Variants in MERTK observed in about 807,000 individuals in gnomAD.
The protein encoded by MERTK is MER proto-oncogene, tyrosine kinase.
MERTK carries 69 observed loss-of-function variants against 99.3 expected under a neutral mutation model. That is an observed-to-expected ratio of 0.70 (90% CI 0.57 to 0.85). The LOEUF (loss-of-function observed/expected upper bound fraction) is 0.85, where lower values mean the gene tolerates loss of function less well. MERTK is among the 40% of genes least tolerant of loss of function. MERTK has a pLI of 0.00. For synonymous variants in MERTK, 426 were observed against 467.6 expected (o/e 0.91, Z 1.15); for missense variants, 1,125 against 1,249.4 (o/e 0.90, Z 1.50).
At chr2:112,001,065 G>A (rs1037235419) in intron 10 of MERTK, 136 bp from the exon 11 acceptor site, 16 of 699,942 alleles carry the variant, frequency 2.3e-5, no homozygotes, top group Admixed American at 9.8e-5. Flanking sequence ...AAAGAAACAC[G>A]TTTCTTCTAG....
At chr2:111,959,993 T>C (rs1003091476) in intron 4 of MERTK, among the ~76,000 whole-genome samples, 3 of 152,190 alleles carry the variant, frequency 2.0e-5, no homozygotes, top group African/African-American at 7.2e-5. Context: ...GAAATTCTTT[T>C]GGAAAATTCC....
chr2:111,898,940 A>C (rs901890420), intron 1 of MERTK, 144 bp downstream of exon 1: 1 of 898,506 alleles, frequency 1.1e-6, no homozygotes, highest in Admixed American at 3.0e-5. Context: ...GCGGTGCCAG[A>C]GGAGGGGGCG....
At chr2:111,931,632 G>T (rs1407755915) in intron 2 of MERTK, among the ~76,000 whole-genome samples, 1 of 151,184 alleles carries the variant, frequency 6.6e-6, no homozygotes, top group African/African-American at 2.4e-5. Context: ...GTTGCAGTAA[G>T]CCAAGATTGC....
At chr2:111,987,130 C>T (rs1172182201) in intron 8 of MERTK, among the ~76,000 whole-genome samples, 4 of 152,192 alleles carry the variant, frequency 2.6e-5, no homozygotes, top group Non-Finnish European at 5.9e-5. Flanking sequence ...CAGGACAGAG[C>T]AGTTGGATAT....
intron 6 of MERTK, among the ~76,000 whole-genome samples, chr2:111,969,645 A>G (rs1676042819): frequency 6.7e-6 from 1 of 150,242 alleles, no homozygotes; most frequent in Admixed American, 6.6e-5. Context: ...AGCCTGTATT[A>G]TCCGTAAAAT....
At chr2:111,965,385 C>T in intron 5 of MERTK, 108 bp downstream of exon 5, 1 of 1,056,742 alleles carries the variant, frequency 9.5e-7, no homozygotes. Flanking sequence ...CTCACTGTCT[C>T]AAGGTTCTTT....
At chr2:111,965,476 T>C (rs954541195) in intron 5 of MERTK, among the ~76,000 whole-genome samples, 199 bp downstream of exon 5, 1 of 152,192 alleles carries the variant, frequency 6.6e-6, no homozygotes, top group Non-Finnish European at 1.5e-5. Context: ...AACCTACCTA[T>C]TGTTGAGGCT....
chr2:111,899,811 C>T (rs1684011028), intron 1 of MERTK, among the ~76,000 whole-genome samples: 1 of 152,150 alleles, frequency 6.6e-6, no homozygotes, highest in South Asian at 2.1e-4. Flanking sequence ...CCACCGCGCC[C>T]GGCTTGTTCC....
chr2:111,994,358 A>C lies in MERTK; in HGVS notation c.1404A>C (p.Gly468=). The C allele has an allele frequency of 3.1e-6, 5 of 1,614,128 alleles. No individual in the cohort carries two copies. The South Asian group carries it at 3.3e-5, about 11-fold the overall frequency. ...GGATTGCAGCCGTCACCAGAGGGGG[A>C]GTTGGGCCCTTCAGTGATCCAGTGA... ...TVRIAAVTRG[G]VGPFSDPVKI... The change falls in exon 9 of 19, where the codon GGA becomes GGC. Residue 468 remains glycine (G), a synonymous_variant. Coordinates refer to ENST00000295408, the MANE Select transcript of MERTK (RefSeq NM_006343.3).
At chr2:112,028,330 C>T in intron 18 of MERTK, 21 bp from the exon 19 acceptor site, 1 of 1,612,914 alleles carries the variant, frequency 6.2e-7, no homozygotes, top group Non-Finnish European at 8.5e-7. Flanking sequence ...GGGAGACAAT[C>T]CACTTCTTTT....
intron 9 of MERTK, 178 bp downstream of exon 9, chr2:111,994,582 C>T: frequency 1.2e-6 from 1 of 826,256 alleles, no homozygotes; most frequent in South Asian, 1.3e-5. Flanking sequence ...GGGCAATGGG[C>T]AACATAGTGA....
chr2:111,946,255 AT>A (rs1191099718), intron 3 of MERTK, among the ~76,000 whole-genome samples: 1 of 152,178 alleles, frequency 6.6e-6, no homozygotes, highest in African/African-American at 2.4e-5. Flanking sequence ...TGGGAAAAAA[AT>A]ATTTACAGGA....
intron 4 of MERTK, 41 bp downstream of exon 4, chr2:111,947,608 G>T (rs3761700): frequency 0.54 from 862,302 of 1,609,230 alleles, 233,793 homozygotes; most frequent in Admixed American, 0.56. Flanking sequence ...TTCTCTAATA[G>T]CGGACAGGAT....
At position 112,004,067 on chromosome 2, in the gene MERTK, A is replaced by G. The variant is rs1226762074; in HGVS notation, c.1867+83A>G. On this transcript the variant is annotated intron_variant, in intron 13 of 18. Coordinates refer to ENST00000295408, the MANE Select transcript of MERTK (RefSeq NM_006343.3). ...GTGCTCCATGAGGCCATATGTCACA[A>G]TCTCAGTTCCCAGTGGGCCAGAAGG... is the stretch of plus-strand genomic sequence containing the variant. The G allele has an allele frequency of 4.2e-5, 53 of 1,255,490 alleles. 1 individual carries two copies. The highest frequency in any genetic ancestry group is 1.9e-4 in the Middle Eastern group (1 of 5,380). The allele number at this position is 1,255,490 out of a possible 1,614,324, so 77.8% of individuals were successfully genotyped here.
intron 4 of MERTK, among the ~76,000 whole-genome samples, chr2:111,964,471 T>C (rs1003050366): frequency 2.0e-5 from 3 of 152,198 alleles, no homozygotes; most frequent in Non-Finnish European, 4.4e-5. Context: ...TCCAGACTTA[T>C]ATATTTCCTG....
At chr2:111,975,589 GA>G in intron 7 of MERTK, 117 bp downstream of exon 7, 1 of 1,136,438 alleles carries the variant, frequency 8.8e-7, no homozygotes, top group Non-Finnish European at 1.3e-6. Flanking sequence ...GTCTCTGGAG[GA>G]GAAAATTATT....
At chr2:112,004,220 A>G (rs1336790898) in intron 13 of MERTK, among the ~76,000 whole-genome samples, 1 of 152,082 alleles carries the variant, frequency 6.6e-6, no homozygotes, top group Non-Finnish European at 1.5e-5. Flanking sequence ...CTATGCATAC[A>G]TACTGTCTGT....
At chr2:111,914,352 A>G (rs1684310450) in intron 1 of MERTK, among the ~76,000 whole-genome samples, 1 of 152,048 alleles carries the variant, frequency 6.6e-6, no homozygotes, top group Non-Finnish European at 1.5e-5. Flanking sequence ...ATCACGGCTC[A>G]CTGCAAGCTC....
At chr2:112,016,918 G>C (rs922989174) in intron 15 of MERTK, among the ~76,000 whole-genome samples, 2 of 152,166 alleles carry the variant, frequency 1.3e-5, no homozygotes, top group African/African-American at 4.8e-5. Context: ...GTGGGTTCTT[G>C]GTCTCGCTGA....
Sources: allele counts gnomAD v4.1 joint callset (sites outside exome capture counted in the v4.1 genomes callset), GRCh38; gene constraint gnomAD v4.1.1; transcripts MANE v1.5; gene names NCBI Gene and HGNC (gene_info 2026-07-23, HGNC 2026-07-21).